The following NECAB2 variants were observed in gnomAD, a reference collection of about 807,000 sequenced individuals.
NECAB2 encodes the protein N-terminal EF-hand calcium-binding protein 2.
NECAB2 carries 68 observed loss-of-function variants against 51.9 expected under a neutral mutation model. The ratio of observed to expected loss-of-function variants is 1.31; its 90% confidence interval spans 1.08 to 1.60. The LOEUF is 1.60. NECAB2 is among the 40% of genes most tolerant of loss of function. The probability of loss-of-function intolerance (pLI) is 0.00; values close to 1 mark genes in which losing one functional copy is unlikely to be tolerated. For missense variants in NECAB2, 854 were observed against 490.3 expected (o/e 1.74, Z -7.00); for synonymous variants, 329 against 203.5 (o/e 1.62, Z -5.25).
Position 84,001,914 on chromosome 16 carries a change from C to T in NECAB2, c.1130C>T (p.Pro377Leu), listed in dbSNP as rs1306993472. Residue 377 changes from proline (P) to leucine (L), a missense_variant and splice_region_variant, in exon 12 of 13, where the codon CCA becomes CTA. Transcript: ENST00000305202. The stretch of plus-strand genomic sequence containing the variant: ...GAGGCCCTCTCCAGGATCTTGGTGC[C>T]AGGTAGGGGGCAAAGGCCTGGAACT... ...QPEALSRILV[P>L]AAWCTVGRD is the part of the protein sequence containing the mutation. 7 of 1,613,866 alleles carry T rather than the reference C, an allele frequency of 4.3e-6. No homozygotes were observed. The highest frequency in any genetic ancestry group is 1.3e-5 in the African/African-American group (1 of 75,008).
rs16962359 is a variant in NECAB2 at position 83,978,745 on chromosome 16, A to T, written c.335+193A>T. On this transcript the variant is annotated intron_variant, in intron 3 of 12. Coordinates refer to ENST00000305202, the MANE Select transcript of NECAB2 (RefSeq NM_019065.3). ...TGTGCAGATTCATATTGCATTGGCT[A>T]CTATCGCAAGTGTGTCTTCTGAGTG... is the stretch of plus-strand genomic sequence containing the variant. Among the ~76,000 whole-genome samples, 847 of 152,170 alleles carry T rather than the reference A, an allele frequency of 5.6e-3. 6 individuals are homozygous for T. The highest frequency in any genetic ancestry group is 0.019 in the African/African-American group (793 of 41,508).
intron 2 of NECAB2, among the ~76,000 whole-genome samples, chr16:83,975,127 T>TGTGG (rs1289000855): frequency 2.4e-5 from 1 of 41,154 alleles, no homozygotes; most frequent in Non-Finnish European, 5.2e-5. Context: ...TGCAGGGAGG[T>TGTGG]GTGCAGGGAT....
chr16:83,974,925 TGGG>T (rs2084389509), intron 2 of NECAB2, among the ~76,000 whole-genome samples: 1 of 121,414 alleles, frequency 8.2e-6, no homozygotes, highest in African/African-American at 4.5e-5. Context: ...GGTGCGGGGA[TGGG>T]AACAGGTGTG....
chr16:83,972,750 T>A (rs1029730038), intron 2 of NECAB2, among the ~76,000 whole-genome samples: 1 of 152,132 alleles, frequency 6.6e-6, no homozygotes, highest in Non-Finnish European at 1.5e-5. Context: ...TTTAAAAATG[T>A]GAGCAGCGCC....
chr16:83,996,647 G>A (rs147389471), intron 8 of NECAB2, among the ~76,000 whole-genome samples: 6 of 152,144 alleles, frequency 3.9e-5, no homozygotes, highest in East Asian at 1.9e-4. Flanking sequence ...CATGGCTTTC[G>A]TGCCTTCAGA....
chr16:83,998,711 C>T (rs919765471), intron 10 of NECAB2, among the ~76,000 whole-genome samples: 1 of 152,164 alleles, frequency 6.6e-6, no homozygotes, highest in Non-Finnish European at 1.5e-5. Context: ...TAAGTCCAGG[C>T]CCAGAATGTA....
chr16:83,978,930 C>A (rs2151088162), intron 3 of NECAB2, among the ~76,000 whole-genome samples: 1 of 152,270 alleles, frequency 6.6e-6, no homozygotes, highest in South Asian at 2.1e-4. Flanking sequence ...CCAACATTAA[C>A]TGTGAGGTTG....
At chr16:83,985,346 A>C (rs1160944504) in intron 5 of NECAB2, among the ~76,000 whole-genome samples, 1 of 114,532 alleles carries the variant, frequency 8.7e-6, no homozygotes, top group Non-Finnish European at 1.8e-5. Flanking sequence ...AAAAAAAAAA[A>C]GGTTACTGCT....
intron 5 of NECAB2, among the ~76,000 whole-genome samples, chr16:83,982,436 C>T (rs780060070): frequency 4.6e-4 from 70 of 152,056 alleles, no homozygotes; most frequent in African/African-American, 1.5e-3. Context: ...AAGGTATAGG[C>T]GGTGGATTAG....
At chr16:83,993,664 G>A in intron 6 of NECAB2, 1 of 157,790 alleles carries the variant, frequency 6.3e-6, no homozygotes, top group Non-Finnish European at 1.3e-5. Context: ...GTGTGTGTGT[G>A]TGTGTCTGCC....
chr16:83,973,787 C>T (rs1053664879), intron 2 of NECAB2, among the ~76,000 whole-genome samples: 1 of 151,268 alleles, frequency 6.6e-6, no homozygotes, highest in Non-Finnish European at 1.5e-5. Flanking sequence ...TTGGTGAGAG[C>T]GTGGCTGTGC....
intron 6 of NECAB2, chr16:83,993,634 G>GTGTT (rs1212703708): frequency 1.3e-5 from 2 of 150,768 alleles, no homozygotes; most frequent in African/African-American, 5.2e-5. Flanking sequence ...GTGTGTGTGT[G>GTGTT]TGTGTGTGTG....
chr16:83,972,530 G>C (rs73246942), intron 2 of NECAB2, among the ~76,000 whole-genome samples: 1 of 152,130 alleles, frequency 6.6e-6, no homozygotes, highest in African/African-American at 2.4e-5. Flanking sequence ...AACCCTCCTT[G>C]AAAGGAAGCC....
chr16:83,965,811 C>T (rs772278834), upstream of NECAB2: 4 of 1,612,814 alleles, frequency 2.5e-6, no homozygotes, highest in African/African-American at 4.0e-5. Flanking sequence ...GCTGACTTTG[C>T]AGTGGATCCT....
rs8053684 is a variant in NECAB2 at position 83,983,100 on chromosome 16, T to A, written c.459+1973T>A. On this transcript the variant is annotated intron_variant, in intron 5 of 12. Coordinates refer to ENST00000305202, the MANE Select transcript of NECAB2 (RefSeq NM_019065.3). ...GCCAGGCTGGTCTCAAAGTCCTGAC[T>A]TGAGGTGATCCGCCCACCTCGGCCT... Among the ~76,000 whole-genome samples the A allele has an allele frequency of 2.2e-4, 33 of 151,728 alleles. No homozygotes were observed. The South Asian group carries it at 6.9e-3, about 32-fold the overall frequency.
In NECAB2 at chr16:83,994,677, C is replaced by A; in HGVS notation, c.784C>A (p.Leu262Met). 1 of 1,614,042 alleles carries A rather than the reference C, an allele frequency of 6.2e-7. No individual in the cohort carries two copies. Among genetic ancestry groups the A allele is most frequent in the Non-Finnish European group, 8.5e-7 (1 of 1,180,010 alleles). The change falls in exon 8 of 13, where the codon CTG (leucine) becomes ATG (methionine). Residue 262 changes from leucine to methionine, a missense_variant. Coordinates refer to ENST00000305202, the MANE Select transcript of NECAB2 (RefSeq NM_019065.3). ...CCGCTTGGCAGAGCTGATTGGGAGG[C>A]TGGAGAGCAAAGTAAGCCCTGGCCT... ...ISRLAELIGR[L>M]ESKALWFDLQ...
intron 2 of NECAB2, among the ~76,000 whole-genome samples, chr16:83,977,176 C>T (rs1291999514): frequency 6.6e-6 from 1 of 152,244 alleles, no homozygotes; most frequent in Non-Finnish European, 1.5e-5. Context: ...AATGCAGATC[C>T]TCTGGAAGTA....
At chr16:83,975,083 G>A (rs1367402211) in intron 2 of NECAB2, among the ~76,000 whole-genome samples, 7 of 135,044 alleles carry the variant, frequency 5.2e-5, no homozygotes, top group African/African-American at 3.0e-5. Context: ...TGGGTGCAGG[G>A]ATGAGAACAG....
chr16:83,978,659 G>GA lies in NECAB2; in HGVS notation c.335+111dup, dbSNP rs1414942941. The GA allele has an allele frequency of 2.6e-5, 25 of 958,336 alleles. 1 individual carries two copies. In the African/African-American group the frequency reaches 3.2e-4, roughly 12 times the overall value. The allele number at this position is 958,336 out of a possible 1,614,324, so 59.4% of individuals were successfully genotyped here. ...GTCCCCTGTAAGGGGCAGGAGAACT[G>GA]AAAATCCCCAAATTTGCTAATCCAG... On this transcript the variant is annotated intron_variant, in intron 3 of 12. Coordinates refer to ENST00000305202, the MANE Select transcript of NECAB2 (RefSeq NM_019065.3).
Sources: gnomAD v4.1 joint callset for allele counts (sites outside exome capture counted in the v4.1 genomes callset) on GRCh38, gnomAD v4.1.1 for gene constraint, MANE v1.5 for transcripts, NCBI Gene and HGNC (gene_info 2026-07-23, HGNC 2026-07-21) for gene names.